GPR63: variants seen among roughly 807,000 people sequenced by gnomAD.
GPR63 encodes probable G protein-coupled receptor 63.
A neutral mutation model predicts 23.1 loss-of-function variants in GPR63; 12 were observed. That is an observed-to-expected ratio of 0.52 (90% CI 0.33 to 0.84). GPR63 has a LOEUF of 0.84. Ranked by LOEUF, GPR63 falls within the 40% of genes least tolerant of loss-of-function variation. The pLI is 0.02. For synonymous variants in GPR63, 172 were observed against 191.1 expected, an observed-to-expected ratio of 0.90 and a Z score of 0.82; for missense variants, 472 against 515.6, an observed-to-expected ratio of 0.92 and a Z score of 0.82.
intron 1 of GPR63, among the ~76,000 whole-genome samples, chr6:96,801,490 C>A (rs934833015): frequency 6.6e-6 from 1 of 152,208 alleles, no homozygotes; most frequent in African/African-American, 2.4e-5. Context: ...TGAGCCACTG[C>A]ACCCAGCCTA....
In GPR63 at chr6:96,837,450, G is replaced by T; in HGVS notation, c.-333C>A. ...TGGTGGCGGCGGCGGCGATACAGGC[G>T]GCGGTGGCGGGAGCTGGAGCTGAAA... On this transcript the variant is annotated 5_prime_UTR_variant, in exon 1 of 2. Coordinates refer to ENST00000229955, the MANE Select transcript of GPR63 (RefSeq NM_030784.4). 6.5e-6 allele frequency: 1 copy of T among 154,014 alleles called. No homozygotes were observed. The highest frequency in any genetic ancestry group is 1.9e-4 in the South Asian group (1 of 5,358). 9.5% of individuals were successfully genotyped at this position (154,014 alleles called of 1,614,324 possible).
chr6:96,823,088 A>C (rs1774351902), intron 1 of GPR63, among the ~76,000 whole-genome samples: 1 of 152,230 alleles, frequency 6.6e-6, no homozygotes, highest in East Asian at 1.9e-4. Context: ...GTTGTATAAA[A>C]GTCTAGCACA....
intron 1 of GPR63, among the ~76,000 whole-genome samples, chr6:96,808,555 G>C (rs1030751955): frequency 6.6e-6 from 1 of 152,098 alleles, no homozygotes; most frequent in Non-Finnish European, 1.5e-5. Context: ...ATTTCTTCAG[G>C]CCAATTCTTT....
Position 96,799,808 on chromosome 6 carries a change from G to C in GPR63, c.-77C>G. ...TTTCAACACAGAACAGCAGTATCAG[G>C]TCCCATTGATGGGCTTGGAAATACA... On this transcript the variant is annotated 5_prime_UTR_variant, in exon 2 of 2. Coordinates refer to ENST00000229955, the MANE Select transcript of GPR63 (RefSeq NM_030784.4). 6.9e-7 allele frequency: 1 copy of C among 1,440,692 alleles called. No homozygotes were observed. Among genetic ancestry groups the C allele is most frequent in the Non-Finnish European group, 9.8e-7 (1 of 1,023,926 alleles). The allele number at this position is 1,440,692 out of a possible 1,614,324, so 89.2% of individuals were successfully genotyped here.
chr6:96,812,491 T>C (rs1250969137), intron 1 of GPR63, among the ~76,000 whole-genome samples: 1 of 152,168 alleles, frequency 6.6e-6, no homozygotes, highest in Non-Finnish European at 1.5e-5. Flanking sequence ...CTAAGTGACT[T>C]CTGATGACAA....
rs779846295 is a variant in GPR63 at position 96,799,054 on chromosome 6, A to G, written c.678T>C (p.Ala226=). 2.8e-5 allele frequency: 46 copies of G among 1,614,040 alleles called. No homozygotes were observed. In the Admixed American group the frequency reaches 4.7e-4, roughly 16 times the overall value. ...TTGTGTACCCAAACACACACTGGGG[A>G]GCTCGGGAAGGTATCTGCAGGTCGG... The part of the protein sequence containing the change: ...GNPDLQIPSR[A]PQCVFGYTTN... The change falls in exon 2 of 2, where the codon GCT becomes GCC. Residue 226 remains alanine (A), a synonymous_variant. Coordinates refer to ENST00000229955, the MANE Select transcript of GPR63 (RefSeq NM_030784.4).
In GPR63 at chr6:96,830,939, C is replaced by CAGAA. The variant is rs1223952761; in HGVS notation, c.-151+6325_-151+6328dup. Among the ~76,000 whole-genome samples, 6 of 152,102 alleles carry CAGAA rather than the reference C, an allele frequency of 3.9e-5. No individual in the cohort carries two copies. The South Asian group carries it at 1.0e-3, about 26-fold the overall frequency. Reference sequence around the variant, plus strand: ...CTAAGACGAAGTTTCATATTATTGACAGAAAGAAAGAAAGATACAAACACA... The same window carrying CAGAA: ...CTAAGACGAAGTTTCATATTATTGACAGAAAGAAAGAAAGAAAGATACAAACACA... On this transcript the variant is annotated intron_variant, in intron 1 of 1. Transcript: ENST00000229955.
intron 1 of GPR63, among the ~76,000 whole-genome samples, chr6:96,800,326 C>T (rs1454383239): frequency 6.6e-6 from 1 of 151,996 alleles, no homozygotes; most frequent in Admixed American, 6.6e-5. Flanking sequence ...TCTAATTTTA[C>T]ATTAGCACAA....
At chr6:96,834,079 T>G (rs1391267551) in intron 1 of GPR63, among the ~76,000 whole-genome samples, 1 of 152,200 alleles carries the variant, frequency 6.6e-6, no homozygotes, top group African/African-American at 2.4e-5. Context: ...TTTCTGAATC[T>G]TCTGTCATAC....
At chr6:96,804,915 CTTGT>C (rs968822659) in intron 1 of GPR63, among the ~76,000 whole-genome samples, 22 of 152,190 alleles carry the variant, frequency 1.4e-4, no homozygotes, top group African/African-American at 4.8e-4. Flanking sequence ...ATTTTCCGTT[CTTGT>C]TTAACTTTTA....
intron 1 of GPR63, among the ~76,000 whole-genome samples, chr6:96,800,283 T>C (rs1691016492): frequency 6.6e-6 from 1 of 152,184 alleles, no homozygotes; most frequent in South Asian, 2.1e-4. Context: ...ACTATTTTTT[T>C]TTAATTAATA....
chr6:96,798,702 A>G lies in GPR63; in HGVS notation c.1030T>C (p.Tyr344His). 1 of 1,614,234 alleles carries G rather than the reference A, an allele frequency of 6.2e-7. No individual in the cohort carries two copies. Among genetic ancestry groups the G allele is most frequent in the Non-Finnish European group, 8.5e-7 (1 of 1,180,042 alleles). ...ATCTCAAAAAAGTTGTGCTGATAGT[A>G]AAAGTGCTTACTGAATGTTGCCACA... is the stretch of plus-strand genomic sequence containing the variant. ...SLVATFSKHF[Y>H]YQHNFFEIST... is the part of the protein sequence containing the mutation. Residue 344 changes from tyrosine to histidine, a missense_variant, in exon 2 of 2, where the codon TAC (tyrosine) becomes CAC (histidine). Physicochemically the swap from Tyr to His is moderately conservative, Grantham distance 83. Transcript: ENST00000229955.
chr6:96,810,633 G>GAAA (rs1421124948), intron 1 of GPR63, among the ~76,000 whole-genome samples: 1 of 150,214 alleles, frequency 6.7e-6, no homozygotes, highest in Non-Finnish European at 1.5e-5. Flanking sequence ...AAAAAAAAAA[G>GAAA]AAAAAATTAA....
Position 96,820,522 on chromosome 6 carries a change from AAC to A in GPR63, c.-151+16744_-151+16745del, listed in dbSNP as rs753737853. ...AATTACTTACCTAGTAATCTAAAAA[AAC>A]AGTCTTTATCTTTTTATATTAATCT... is the stretch of plus-strand genomic sequence containing the variant. On this transcript the variant is annotated intron_variant, in intron 1 of 1. Transcript: ENST00000229955. 2.4e-4 allele frequency among the ~76,000 whole-genome samples: 37 copies of A among 152,296 alleles called. No individual in the cohort carries two copies. In the East Asian group the frequency reaches 5.6e-3, roughly 23 times the overall value.
At chr6:96,806,796 T>C (rs1773907790) in intron 1 of GPR63, among the ~76,000 whole-genome samples, 1 of 152,226 alleles carries the variant, frequency 6.6e-6, no homozygotes, top group Non-Finnish European at 1.5e-5. Context: ...ACAGCTCCTA[T>C]GTTTGCTGTA....
rs1774224789 is a variant in GPR63 at position 96,818,708 on chromosome 6, T to A, written c.-151+18560A>T. On this transcript the variant is annotated intron_variant, in intron 1 of 1. Transcript: ENST00000229955. ...TTTCAAAGAATTAGAAGAGAACATATCAAAATATTAACACACATCAGGGTG... is the reference window on the plus strand; with the variant it reads ...TTTCAAAGAATTAGAAGAGAACATAACAAAATATTAACACACATCAGGGTG... 2.0e-5 allele frequency among the ~76,000 whole-genome samples: 3 copies of A among 152,228 alleles called. No homozygotes were observed. The South Asian group carries it at 6.2e-4, about 32-fold the overall frequency.
At chr6:96,804,247 ATTTTT>A (rs1057012998) in intron 1 of GPR63, among the ~76,000 whole-genome samples, 1 of 151,828 alleles carries the variant, frequency 6.6e-6, no homozygotes, top group African/African-American at 2.4e-5. Flanking sequence ...GCTTTATTTT[ATTTTT>A]TTGAGACAGG....
chr6:96,805,794 T>TTA (rs1773881179), intron 1 of GPR63, among the ~76,000 whole-genome samples: 1 of 152,218 alleles, frequency 6.6e-6, no homozygotes, highest in Admixed American at 6.5e-5. Context: ...ATTGCAAAGA[T>TTA]TAGAGTCACC....
intron 1 of GPR63, among the ~76,000 whole-genome samples, chr6:96,819,505 T>C (rs1429422575): frequency 6.6e-6 from 1 of 151,048 alleles, no homozygotes; most frequent in East Asian, 2.0e-4. Context: ...CATCACACAC[T>C]GGGGCCTGTC....
Sources: gnomAD v4.1 joint callset for allele counts (sites outside exome capture counted in the v4.1 genomes callset) on GRCh38, gnomAD v4.1.1 for gene constraint, MANE v1.5 for transcripts, NCBI Gene and HGNC (gene_info 2026-07-23, HGNC 2026-07-21) for gene names.